Variants in PDCD6IP observed in about 807,000 individuals in gnomAD.
The protein encoded by PDCD6IP is programmed cell death 6 interacting protein.
In PDCD6IP, 43 loss-of-function variants were observed where a neutral mutation model predicts 103.7. That is an observed-to-expected ratio of 0.41 (90% CI 0.32 to 0.53). PDCD6IP has a LOEUF of 0.53. Among genes scored for constraint, PDCD6IP ranks in the 20% least tolerant of loss-of-function variants. The probability of loss-of-function intolerance (pLI) is 0.16; values close to 1 mark genes in which losing one functional copy is unlikely to be tolerated. For missense variants in PDCD6IP, 871 were observed against 1,036.7 expected (o/e 0.84, Z 2.20); for synonymous variants, 354 against 378.7 (o/e 0.93, Z 0.76).
chr3:33,808,514 G>A (rs575833779), intron 1 of PDCD6IP, among the ~76,000 whole-genome samples: 129 of 152,258 alleles, frequency 8.5e-4, no homozygotes, highest in African/African-American at 2.9e-3. Context: ...CCTAGGCTCA[G>A]GTGATCCTCC....
At chr3:33,834,324 C>A (rs540360913) in intron 7 of PDCD6IP, among the ~76,000 whole-genome samples, 2 of 152,244 alleles carry the variant, frequency 1.3e-5, no homozygotes, top group South Asian at 2.1e-4. Flanking sequence ...AGGGTGGCAC[C>A]CTTAGCACTT....
At chr3:33,801,074 C>G (rs1165009497) in intron 1 of PDCD6IP, among the ~76,000 whole-genome samples, 2 of 152,120 alleles carry the variant, frequency 1.3e-5, no homozygotes, top group East Asian at 3.9e-4. Context: ...ATTAATTCAA[C>G]AAATATTAAG....
At position 33,868,511 on chromosome 3, in the gene PDCD6IP, G is replaced by A. The variant is rs1698115443; in HGVS notation, c.*1986G>A. 6.5e-6 allele frequency: 1 copy of A among 152,700 alleles called. No homozygotes were observed. Among genetic ancestry groups the A allele is most frequent in the South Asian group, 2.1e-4 (1 of 4,826 alleles). 9.5% of individuals were successfully genotyped at this position (152,700 alleles called of 1,614,324 possible). ...CTGCCACAGCACACCTGACTCACTC[G>A]GCTCTGTTAGTGTAACCTTTTAAAT... On this transcript the variant is annotated 3_prime_UTR_variant, in exon 18 of 18. Coordinates refer to ENST00000307296, the MANE Select transcript of PDCD6IP (RefSeq NM_013374.6).
At chr3:33,846,386 A>G (rs186680096) in intron 12 of PDCD6IP, among the ~76,000 whole-genome samples, 36 of 152,356 alleles carry the variant, frequency 2.4e-4, no homozygotes, top group African/African-American at 7.9e-4. Context: ...GCACTATGGT[A>G]GGTACATTGG....
Position 33,823,028 on chromosome 3 carries a change from A to AAT in PDCD6IP, c.462+956_462+957dup, listed in dbSNP as rs1163075757. Among the ~76,000 whole-genome samples, 5 of 152,144 alleles carry AAT rather than the reference A, an allele frequency of 3.3e-5. No individual in the cohort carries two copies. In the East Asian group the frequency reaches 5.8e-4, roughly 18 times the overall value. ...GAACAGTAAATGATTACTGTTAAATAATATATATATAATCATGTTGTCATT... is the reference window on the plus strand; with the variant it reads ...GAACAGTAAATGATTACTGTTAAATAATATATATATATAATCATGTTGTCATT... On this transcript the variant is annotated intron_variant, in intron 4 of 17. Coordinates refer to ENST00000307296, the MANE Select transcript of PDCD6IP (RefSeq NM_013374.6).
rs906642683 is a variant in PDCD6IP at position 33,866,677 on chromosome 3, C to T, written c.*152C>T. The stretch of plus-strand genomic sequence containing the variant: ...TTTCTGTCTACAGCTAGAAGCTGTG[C>T]CCCAGTTCCACATTTGATTACACAT... On this transcript the variant is annotated 3_prime_UTR_variant, in exon 18 of 18. Transcript: ENST00000307296. The T allele has an allele frequency of 2.2e-5, 11 of 503,484 alleles. No homozygotes were observed. The highest frequency in any genetic ancestry group is 1.8e-4 in the African/African-American group (9 of 50,510). 31.2% of individuals were successfully genotyped at this position (503,484 alleles called of 1,614,324 possible).
chr3:33,834,820 G>T (rs1007499944), intron 7 of PDCD6IP, among the ~76,000 whole-genome samples: 1 of 152,188 alleles, frequency 6.6e-6, no homozygotes, highest in Non-Finnish European at 1.5e-5. Flanking sequence ...AATATAATGT[G>T]TTCTCTATTT....
chr3:33,826,921 G>C, intron 6 of PDCD6IP: 1 of 1,021,970 alleles, frequency 9.8e-7, no homozygotes, highest in South Asian at 3.9e-5. Flanking sequence ...ATGTATACTT[G>C]AGCATGTTGA....
At chr3:33,865,497 A>T in intron 17 of PDCD6IP, 67 bp downstream of exon 17, 4 of 1,318,052 alleles carry the variant, frequency 3.0e-6, no homozygotes, top group Non-Finnish European at 4.1e-6. Flanking sequence ...TAACCTGTTA[A>T]AAACAGGGTC....
intron 3 of PDCD6IP, among the ~76,000 whole-genome samples, chr3:33,820,097 A>G (rs1299016773): frequency 6.6e-6 from 1 of 152,164 alleles, no homozygotes; most frequent in Non-Finnish European, 1.5e-5. Context: ...CAGCCTAGGC[A>G]ACATAGTGAG....
intron 11 of PDCD6IP, 138 bp downstream of exon 11, chr3:33,844,361 A>C: frequency 4.4e-6 from 2 of 459,056 alleles, no homozygotes; most frequent in Non-Finnish European, 3.9e-6. Context: ...AAAGATTAAA[A>C]AAGTTCACAA....
intron 12 of PDCD6IP, 22 bp from the exon 13 acceptor site, chr3:33,852,466 C>G: frequency 2.6e-6 from 2 of 762,000 alleles, no homozygotes; most frequent in Non-Finnish European, 1.6e-6. Flanking sequence ...TGCAGTTAAA[C>G]TAAGGTGTCT....
intron 4 of PDCD6IP, among the ~76,000 whole-genome samples, chr3:33,824,866 T>G (rs569083999): frequency 6.6e-6 from 1 of 152,308 alleles, no homozygotes; most frequent in South Asian, 2.1e-4. Flanking sequence ...AATATTTTAA[T>G]GTTTATCCCC....
intron 9 of PDCD6IP, among the ~76,000 whole-genome samples, chr3:33,840,058 C>T (rs57796983): frequency 0.18 from 27,896 of 151,964 alleles, 2,961 homozygotes; most frequent in East Asian, 0.39. Flanking sequence ...TGGATGCTGA[C>T]CCCCCTGCAC....
chr3:33,837,120 G>A (rs146811965), intron 8 of PDCD6IP, among the ~76,000 whole-genome samples: 3,117 of 151,914 alleles, frequency 0.021, 44 homozygotes, highest in South Asian at 0.035. Context: ...GGGTTTCTCC[G>A]TGTTGGTCAG....
intron 15 of PDCD6IP, among the ~76,000 whole-genome samples, chr3:33,856,619 G>GA (rs1010375393): frequency 6.6e-6 from 1 of 152,064 alleles, no homozygotes; most frequent in African/African-American, 2.4e-5. Flanking sequence ...GAAGATTGTT[G>GA]AAAGAGGATA....
chr3:33,843,304 T>G (rs1324246536), intron 10 of PDCD6IP, among the ~76,000 whole-genome samples: 2 of 152,208 alleles, frequency 1.3e-5, no homozygotes, highest in Admixed American at 1.3e-4. Context: ...CTCTCACCTT[T>G]TATTGTCCCT....
chr3:33,826,739 A>G (rs775499638), intron 6 of PDCD6IP, 159 bp downstream of exon 6: 1 of 1,363,672 alleles, frequency 7.3e-7, no homozygotes, highest in Non-Finnish European at 9.5e-7. Context: ...TTTTTAATTT[A>G]AGATGCATGA....
chr3:33,816,133 C>T (rs1403381020), intron 3 of PDCD6IP, among the ~76,000 whole-genome samples: 2 of 152,138 alleles, frequency 1.3e-5, no homozygotes, highest in Non-Finnish European at 2.9e-5. Context: ...AAAGGTTTAT[C>T]TTTAAAGATG....
Sources: gnomAD v4.1 joint callset for allele counts (sites outside exome capture counted in the v4.1 genomes callset) on GRCh38, gnomAD v4.1.1 for gene constraint, MANE v1.5 for transcripts, NCBI Gene and HGNC (gene_info 2026-07-23, HGNC 2026-07-21) for gene names.